RELN: variants seen among roughly 807,000 people sequenced by gnomAD.
The protein encoded by RELN is reelin.
Under a neutral mutation model 427.6 loss-of-function variants are expected in RELN, and 108 were observed. The observed-to-expected ratio is 0.25, with a 90% CI of 0.22 to 0.30. The LOEUF (loss-of-function observed/expected upper bound fraction) is 0.30, where lower values mean the gene tolerates loss of function less well. Among genes scored for constraint, RELN ranks in the 10% least tolerant of loss-of-function variants. The pLI is 1.00. For synonymous variants in RELN, 1,524 were observed against 1,513.4 expected, an observed-to-expected ratio of 1.01 and a Z score of -0.16; for missense variants, 3,715 against 4,302.8, an observed-to-expected ratio of 0.86 and a Z score of 3.82.
Position 103,762,826 on chromosome 7 carries a change from A to G in RELN, c.545-9612T>C, listed in dbSNP as rs370041938. On this transcript the variant is annotated intron_variant, in intron 4 of 64. Transcript: ENST00000428762. ...ATTGTATAATCTGTCTTGCTCTAAG[A>G]TAGATTTAAGGCAGCTTACAAAAAA... 9.3e-4 allele frequency among the ~76,000 whole-genome samples: 141 copies of G among 152,244 alleles called. 1 individual carries two copies. Among genetic ancestry groups the G allele is most frequent in the Middle Eastern group, 3.4e-3 (1 of 294 alleles).
chr7:103,874,933 A>C (rs1444822071), intron 2 of RELN, among the ~76,000 whole-genome samples: 84 of 146,500 alleles, frequency 5.7e-4, no homozygotes, highest in African/African-American at 1.7e-3. Flanking sequence ...AAGCTGGAGG[A>C]ATCACACTAC....
chr7:103,810,517 C>T (rs911685623), intron 3 of RELN, among the ~76,000 whole-genome samples: 1 of 152,184 alleles, frequency 6.6e-6, no homozygotes, highest in Non-Finnish European at 1.5e-5. Flanking sequence ...AAATATGTCA[C>T]ATTCTTTCTT....
chr7:103,833,716 A>G, intron 2 of RELN, 44 bp from the exon 3 acceptor site: 1 of 1,569,310 alleles, frequency 6.4e-7, no homozygotes, highest in Non-Finnish European at 8.7e-7. Flanking sequence ...AACAAAACAA[A>G]GATCTTCCTA....
At chr7:103,955,444 T>G (rs978342667) in intron 1 of RELN, among the ~76,000 whole-genome samples, 2 of 152,178 alleles carry the variant, frequency 1.3e-5, no homozygotes, top group Admixed American at 1.3e-4. Context: ...GAAATGGTTA[T>G]GACTTGGTAA....
chr7:103,717,480 C>CA (rs71154364), intron 8 of RELN, among the ~76,000 whole-genome samples: 23,216 of 146,538 alleles, frequency 0.16, 1,795 homozygotes, highest in South Asian at 0.19. Flanking sequence ...ATATATAAAA[C>CA]AAAAAAAAAA....
chr7:103,601,184 C>T (rs1831659180), intron 24 of RELN, among the ~76,000 whole-genome samples: 1 of 151,956 alleles, frequency 6.6e-6, no homozygotes, highest in East Asian at 1.9e-4. Context: ...AAAAGAGTCA[C>T]AATCTTACTT....
At chr7:103,527,820 A>G (rs1035369267) in intron 46 of RELN, among the ~76,000 whole-genome samples, 13 of 152,252 alleles carry the variant, frequency 8.5e-5, no homozygotes, top group Non-Finnish European at 1.6e-4. Flanking sequence ...TAAGCACAGG[A>G]TAAGAAGCCC....
intron 41 of RELN, among the ~76,000 whole-genome samples, chr7:103,548,889 G>A (rs940003565): frequency 6.6e-6 from 1 of 152,158 alleles, no homozygotes; most frequent in Non-Finnish European, 1.5e-5. Context: ...TGACTGGCAG[G>A]TCTTTGTCAT....
chr7:103,488,256 A>C (rs187091541), intron 60 of RELN, among the ~76,000 whole-genome samples: 2 of 152,310 alleles, frequency 1.3e-5, no homozygotes, highest in Admixed American at 1.3e-4. Context: ...TTTAAGTAAG[A>C]TATTATATTA....
At chr7:103,504,161 G>A (rs753768002) in intron 51 of RELN, among the ~76,000 whole-genome samples, 46 of 152,136 alleles carry the variant, frequency 3.0e-4, no homozygotes, top group Admixed American at 7.9e-4. Context: ...CCAAGATTAC[G>A]CCACTGCACT....
At chr7:103,561,397 G>T in intron 36 of RELN, 135 bp downstream of exon 36, 1 of 792,834 alleles carries the variant, frequency 1.3e-6, no homozygotes. Flanking sequence ...AACATGGTTT[G>T]GGCTAAAAGT....
intron 20 of RELN, 56 bp downstream of exon 20, chr7:103,629,884 C>T: frequency 9.4e-7 from 1 of 1,063,976 alleles, no homozygotes; most frequent in Non-Finnish European, 1.5e-6. Flanking sequence ...GGAAGATCAT[C>T]CTCATGTTCT....
intron 3 of RELN, among the ~76,000 whole-genome samples, chr7:103,825,282 G>A (rs1261674771): frequency 1.3e-5 from 2 of 152,046 alleles, no homozygotes; most frequent in Admixed American, 1.3e-4. Flanking sequence ...ATCCAGGCAT[G>A]GGGCAGACAG....
chr7:103,527,172 C>T lies in RELN; in HGVS notation c.7350-3641G>A, dbSNP rs75933362. 1.1e-4 allele frequency among the ~76,000 whole-genome samples: 17 copies of T among 152,318 alleles called. No individual in the cohort carries two copies. The East Asian group carries it at 2.7e-3, about 24-fold the overall frequency. On this transcript the variant is annotated intron_variant, in intron 46 of 64. Transcript: ENST00000428762. ...ACACATTACAGAGTCTTCATTTTTG[C>T]TCTTTTCTTCAGAATGACTCTATCT...
At chr7:103,951,020 C>A (rs1324373944) in intron 1 of RELN, among the ~76,000 whole-genome samples, 1 of 152,174 alleles carries the variant, frequency 6.6e-6, no homozygotes, top group Non-Finnish European at 1.5e-5. Flanking sequence ...ACCTCCGCCT[C>A]CCTGGTTCAA....
chr7:103,711,026 G>C (rs1789783131), intron 8 of RELN, among the ~76,000 whole-genome samples: 1 of 152,134 alleles, frequency 6.6e-6, no homozygotes, highest in Non-Finnish European at 1.5e-5. Flanking sequence ...CCTGGCAACA[G>C]AGCGAGACTC....
At chr7:103,487,736 A>G (rs1828495417) in intron 60 of RELN, among the ~76,000 whole-genome samples, 1 of 152,196 alleles carries the variant, frequency 6.6e-6, no homozygotes, top group Non-Finnish European at 1.5e-5. Flanking sequence ...TTTTCCTAGC[A>G]TGATTTGTTG....
chr7:103,802,780 G>A (rs759182323), intron 3 of RELN, among the ~76,000 whole-genome samples: 10 of 151,994 alleles, frequency 6.6e-5, no homozygotes, highest in Non-Finnish European at 1.2e-4. Flanking sequence ...TATCCAAGAA[G>A]GGATTTAAAA....
chr7:103,629,640 T>A lies in RELN; in HGVS notation c.2702+300A>T, dbSNP rs375055682. On this transcript the variant is annotated intron_variant, in intron 20 of 64. Coordinates refer to ENST00000428762, the MANE Select transcript of RELN (RefSeq NM_005045.4). ...ACACTTTTTGAAGAGGTTTTTTTTTTTAAAATATGTAATTGTGGGAAATTA... is the reference window on the plus strand; with the variant it reads ...ACACTTTTTGAAGAGGTTTTTTTTTATAAAATATGTAATTGTGGGAAATTA... Among the ~76,000 whole-genome samples, 402 of 148,758 alleles carry A rather than the reference T, an allele frequency of 2.7e-3. 1 individual carries two copies. Among genetic ancestry groups the A allele is most frequent in the African/African-American group, 8.9e-3 (349 of 39,188 alleles).
Sources: allele counts gnomAD v4.1 joint callset (sites outside exome capture counted in the v4.1 genomes callset), GRCh38; gene constraint gnomAD v4.1.1; transcripts MANE v1.5; gene names NCBI Gene and HGNC (gene_info 2026-07-23, HGNC 2026-07-21).